SPMAP2L: variants seen among roughly 807,000 people sequenced by gnomAD.
SPMAP2L encodes sperm microtubule associated protein 2-like.
At chr4:56,591,279 C>T in the SPMAP2L span, among the ~76,000 whole-genome samples, 2 of 152,126 alleles carry the variant, frequency 1.3e-5, no homozygotes, top group South Asian at 4.1e-4. Flanking sequence ...TTCCCCTTTG[C>T]CCTTCCACCA....
chr4:56,530,912 C>T, the SPMAP2L span: 1 of 1,535,146 alleles, frequency 6.5e-7, no homozygotes, highest in East Asian at 2.4e-5. Flanking sequence ...TGTGATGAGC[C>T]TCATGAGTCC....
chr4:56,560,494 C>T, the SPMAP2L span, among the ~76,000 whole-genome samples: 247 of 152,294 alleles, frequency 1.6e-3, 4 homozygotes, highest in African/African-American at 5.7e-3. Context: ...GTGGTGGTGA[C>T]CTCCAACTCC....
the SPMAP2L span, among the ~76,000 whole-genome samples, chr4:56,624,603 C>T: frequency 6.6e-6 from 1 of 152,192 alleles, no homozygotes; most frequent in African/African-American, 2.4e-5. Context: ...CTCTGTGTCC[C>T]ATCTGCTCCA....
the SPMAP2L span, among the ~76,000 whole-genome samples, chr4:56,598,999 C>T: frequency 6.6e-6 from 1 of 152,070 alleles, no homozygotes; most frequent in Non-Finnish European, 1.5e-5. Flanking sequence ...TAAGATGTGC[C>T]TTTGCTCCTC....
chr4:56,572,542 T>A, the SPMAP2L span, among the ~76,000 whole-genome samples: 1 of 152,204 alleles, frequency 6.6e-6, no homozygotes, highest in African/African-American at 2.4e-5. Flanking sequence ...ATTTTTTGAG[T>A]GTATAAATAG....
chr4:56,598,967 C>T, the SPMAP2L span, among the ~76,000 whole-genome samples: 516 of 152,182 alleles, frequency 3.4e-3, 2 homozygotes, highest in African/African-American at 0.012. Flanking sequence ...TGGGCTCTTA[C>T]GGTCTCTTGC....
At chr4:56,552,537 G>T in the SPMAP2L span, 5 of 1,445,788 alleles carry the variant, frequency 3.5e-6, no homozygotes, top group Non-Finnish European at 2.8e-6. Context: ...TTAATCAGCT[G>T]CTATTTGTTA....
chr4:56,560,977 C>A, the SPMAP2L span, among the ~76,000 whole-genome samples: 32,092 of 152,054 alleles, frequency 0.21, 3,518 homozygotes, highest in East Asian at 0.26. Flanking sequence ...AACTTCTGAC[C>A]TCAAGTGAGC....
chr4:56,539,182 A>G, the SPMAP2L span, among the ~76,000 whole-genome samples: 1,213 of 152,290 alleles, frequency 8.0e-3, 17 homozygotes, highest in African/African-American at 0.028. Context: ...TCACCTAATC[A>G]TCACTGTTAT....
the SPMAP2L span, among the ~76,000 whole-genome samples, chr4:56,532,742 G>A: frequency 1.3e-5 from 2 of 151,924 alleles, no homozygotes; most frequent in Admixed American, 6.6e-5. Flanking sequence ...TCTCTCTGCC[G>A]CCACTCCTAT....
At chr4:56,578,774 G>C in the SPMAP2L span, among the ~76,000 whole-genome samples, 1 of 145,436 alleles carries the variant, frequency 6.9e-6, no homozygotes, top group East Asian at 2.1e-4. Context: ...TATTATAAAA[G>C]AGTCAATCCA....
chr4:56,596,054 A>G, the SPMAP2L span, among the ~76,000 whole-genome samples: 1 of 152,352 alleles, frequency 6.6e-6, no homozygotes, highest in South Asian at 2.1e-4. Flanking sequence ...GAGACTTAAT[A>G]GACATTTTTT....
the SPMAP2L span, among the ~76,000 whole-genome samples, chr4:56,610,119 C>A: frequency 2.6e-5 from 4 of 152,098 alleles, no homozygotes; most frequent in South Asian, 4.2e-4. Flanking sequence ...TCATATGGAA[C>A]CAAAAAAGAG....
the SPMAP2L span, among the ~76,000 whole-genome samples, chr4:56,620,604 C>T: frequency 6.6e-6 from 1 of 152,074 alleles, no homozygotes; most frequent in African/African-American, 2.4e-5. Context: ...AGGCTGGCCT[C>T]GAACTCCCAA....
the SPMAP2L span, among the ~76,000 whole-genome samples, chr4:56,567,059 T>G: frequency 0.012 from 1,875 of 152,250 alleles, 25 homozygotes; most frequent in East Asian, 0.035. Flanking sequence ...GCCACGGTGA[T>G]CATACATTTT....
At chr4:56,556,675 C>A in the SPMAP2L span, among the ~76,000 whole-genome samples, 2 of 152,118 alleles carry the variant, frequency 1.3e-5, no homozygotes, top group South Asian at 4.1e-4. Flanking sequence ...GAGTTCGAGA[C>A]AGCCTGGCCA....
At chr4:56,619,967 G>A in the SPMAP2L span, among the ~76,000 whole-genome samples, 6 of 152,252 alleles carry the variant, frequency 3.9e-5, no homozygotes, top group African/African-American at 1.2e-4. Context: ...GGGCTGACTT[G>A]AGGAATGTCA....
the SPMAP2L span, among the ~76,000 whole-genome samples, chr4:56,549,603 G>C: frequency 6.6e-6 from 1 of 152,218 alleles, no homozygotes; most frequent in East Asian, 1.9e-4. Flanking sequence ...GATAGAGTTA[G>C]AAGAGGAGAC....
chr4:56,604,490 T>A, the SPMAP2L span, among the ~76,000 whole-genome samples: 10 of 151,906 alleles, frequency 6.6e-5, no homozygotes, highest in East Asian at 1.5e-3. Flanking sequence ...AAACCCCGTC[T>A]CTACTAAAAA....
Sources: allele counts gnomAD v4.1 joint callset (sites outside exome capture counted in the v4.1 genomes callset), GRCh38; gene constraint gnomAD v4.1.1; transcripts MANE v1.5; gene names NCBI Gene and HGNC (gene_info 2026-07-23, HGNC 2026-07-21).